CA10: variants seen among roughly 807,000 people sequenced by gnomAD.
CA10 encodes carbonic anhydrase 10 (inactive).
Under a neutral mutation model 44.2 loss-of-function variants are expected in CA10, and 14 were observed. That is an observed-to-expected ratio of 0.32 (90% confidence interval 0.21 to 0.50). CA10 has a LOEUF of 0.50. Among genes scored for constraint, CA10 ranks in the 20% least tolerant of loss-of-function variants. The pLI is 0.99. For synonymous variants in CA10, 159 were observed against 141.6 expected (o/e 1.12, Z -0.87); for missense variants, 350 against 409.7 (o/e 0.85, Z 1.26).
intron 4 of CA10, among the ~76,000 whole-genome samples, chr17:51,701,125 G>A (rs1395375809): frequency 1.3e-5 from 2 of 152,022 alleles, no homozygotes; most frequent in Non-Finnish European, 2.9e-5. Flanking sequence ...ATATCAAGGT[G>A]CTGGCAGGGT....
chr17:51,887,245 T>C (rs571307327), intron 3 of CA10, among the ~76,000 whole-genome samples: 2 of 151,674 alleles, frequency 1.3e-5, no homozygotes, highest in South Asian at 4.2e-4. Context: ...TAGGGTCTTC[T>C]TAAATACCCC....
intron 8 of CA10, among the ~76,000 whole-genome samples, chr17:51,632,602 T>A (rs1912631824): frequency 6.6e-6 from 1 of 152,154 alleles, no homozygotes; most frequent in Non-Finnish European, 1.5e-5. Flanking sequence ...TTTAACAAAC[T>A]GTGAAGTAGA....
chr17:51,882,066 C>CAAAAAAAAAA (rs57495108), intron 3 of CA10, among the ~76,000 whole-genome samples: 3 of 82,124 alleles, frequency 3.7e-5, no homozygotes, highest in Admixed American at 1.4e-4. Flanking sequence ...GCAGTGGCAA[C>CAAAAAAAAAA]AAAAAAAAAA....
chr17:51,786,257 A>C (rs995957992), intron 3 of CA10, among the ~76,000 whole-genome samples: 2 of 150,444 alleles, frequency 1.3e-5, no homozygotes, highest in African/African-American at 4.9e-5. Context: ...AGGCTTTTCC[A>C]AATATAAGGT....
intron 3 of CA10, among the ~76,000 whole-genome samples, chr17:51,834,049 C>T (rs1234189921): frequency 6.6e-6 from 1 of 152,170 alleles, no homozygotes; most frequent in Non-Finnish European, 1.5e-5. Flanking sequence ...TATTAAGTCA[C>T]TGTCTTTTTG....
chr17:52,017,690 C>A (rs186137277), intron 2 of CA10, among the ~76,000 whole-genome samples: 79 of 152,124 alleles, frequency 5.2e-4, no homozygotes, highest in African/African-American at 1.6e-3. Flanking sequence ...TACAGCCTGG[C>A]CACATAGTAG....
At chr17:51,745,804 G>A (rs1904666922) in intron 4 of CA10, among the ~76,000 whole-genome samples, 1 of 152,056 alleles carries the variant, frequency 6.6e-6, no homozygotes, top group South Asian at 2.1e-4. Flanking sequence ...GATAGGTGCT[G>A]GAATATGACA....
intron 2 of CA10, among the ~76,000 whole-genome samples, chr17:51,997,783 T>C (rs920377568): frequency 1.3e-5 from 2 of 152,046 alleles, no homozygotes; most frequent in Non-Finnish European, 2.9e-5. Flanking sequence ...AAATCATATT[T>C]AAAATAGCAT....
intron 2 of CA10, among the ~76,000 whole-genome samples, chr17:52,003,590 CA>C (rs1268406049): frequency 6.6e-6 from 1 of 151,712 alleles, no homozygotes; most frequent in Non-Finnish European, 1.5e-5. Context: ...AATAGTAGAT[CA>C]AAGAAATACA....
chr17:52,093,801 G>A lies in CA10; in HGVS notation c.62-21408C>T, dbSNP rs137939679. 1.7e-3 allele frequency among the ~76,000 whole-genome samples: 253 copies of A among 152,284 alleles called. 1 individual carries two copies. Among genetic ancestry groups the A allele is most frequent in the African/African-American group, 5.8e-3 (240 of 41,572 alleles). ...TCTGAGAGTCTCCTCTGTACTAGAT[G>A]TTTTGCAAGTATATCTTGTTTCATT... On this transcript the variant is annotated intron_variant, in intron 1 of 8. Transcript: ENST00000451037.
At chr17:52,055,364 A>C (rs967233365) in intron 2 of CA10, among the ~76,000 whole-genome samples, 6 of 139,004 alleles carry the variant, frequency 4.3e-5, no homozygotes, top group Non-Finnish European at 7.9e-5. Context: ...AAAAAAAAAC[A>C]AAGCAAAACT....
rs192544226 is a variant in CA10, at chr17:51,904,068, T to A, written c.279+26922A>T. ...ACAGTTTCTGTTTATCTGGTATGCA[T>A]CACAGGGTGACCAACCCACCCTGTT... On this transcript the variant is annotated intron_variant, in intron 3 of 8. Coordinates refer to ENST00000451037, the MANE Select transcript of CA10 (RefSeq NM_020178.5). 1.6e-3 allele frequency among the ~76,000 whole-genome samples: 247 copies of A among 151,774 alleles called. 2 individuals carry two copies. Among genetic ancestry groups the A allele is most frequent in the African/African-American group, 5.8e-3 (240 of 41,424 alleles).
intron 1 of CA10, among the ~76,000 whole-genome samples, chr17:52,146,641 G>A (rs532618489): frequency 7.2e-5 from 11 of 151,814 alleles, no homozygotes; most frequent in African/African-American, 2.7e-4. Flanking sequence ...AGTGAGCCGA[G>A]ATCCCACCGA....
At chr17:51,739,724 C>T (rs1052160531) in intron 4 of CA10, among the ~76,000 whole-genome samples, 6 of 152,156 alleles carry the variant, frequency 3.9e-5, no homozygotes, top group African/African-American at 1.2e-4. Flanking sequence ...GGGAGAACTT[C>T]CTCTCCTTAG....
intron 3 of CA10, among the ~76,000 whole-genome samples, chr17:51,871,682 C>A (rs1473061217): frequency 2.6e-5 from 4 of 151,862 alleles, no homozygotes; most frequent in Admixed American, 2.0e-4. Flanking sequence ...ACCATGCCAG[C>A]CCTTCCTTCT....
intron 3 of CA10, among the ~76,000 whole-genome samples, chr17:51,822,437 A>AACAAAT (rs1333465158): frequency 6.6e-6 from 1 of 151,970 alleles, no homozygotes; most frequent in Non-Finnish European, 1.5e-5. Context: ...CAAAAACAAA[A>AACAAAT]ACAAAAACAA....
intron 2 of CA10, among the ~76,000 whole-genome samples, chr17:52,062,956 CA>C (rs1292998288): frequency 6.6e-6 from 1 of 152,198 alleles, no homozygotes; most frequent in Non-Finnish European, 1.5e-5. Flanking sequence ...TATTAGATTC[CA>C]AACTGTAAAA....
At chr17:51,650,271 C>G (rs887640371) in intron 5 of CA10, among the ~76,000 whole-genome samples, 2 of 152,190 alleles carry the variant, frequency 1.3e-5, no homozygotes, top group Non-Finnish European at 2.9e-5. Context: ...CTAGTCATTT[C>G]TCTCCTACCT....
intron 2 of CA10, among the ~76,000 whole-genome samples, chr17:52,055,807 C>A (rs1987212336): frequency 6.6e-6 from 1 of 152,066 alleles, no homozygotes; most frequent in South Asian, 2.1e-4. Context: ...TAATTCTGGG[C>A]AACTGATATA....
Sources: gnomAD v4.1 joint callset for allele counts (sites outside exome capture counted in the v4.1 genomes callset) on GRCh38, gnomAD v4.1.1 for gene constraint, MANE v1.5 for transcripts, NCBI Gene and HGNC (gene_info 2026-07-23, HGNC 2026-07-21) for gene names.